LSM14A: variants seen among roughly 807,000 people sequenced by gnomAD.
LSM14A encodes the protein protein LSM14 homolog A.
A neutral mutation model predicts 52.4 loss-of-function variants in LSM14A; 14 were observed. That is an observed-to-expected ratio of 0.27 (90% CI 0.18 to 0.42). LSM14A has a LOEUF of 0.42. LSM14A is among the 10% of genes least tolerant of loss of function. The pLI is 1.00. For synonymous variants in LSM14A, 185 were observed against 200.3 expected, an observed-to-expected ratio of 0.92 and a Z score of 0.64; for missense variants, 417 against 581.8, an observed-to-expected ratio of 0.72 and a Z score of 2.91.
At chr19:34,206,650 G>T (rs1451361047) in intron 3 of LSM14A, among the ~76,000 whole-genome samples, 1 of 152,088 alleles carries the variant, frequency 6.6e-6, no homozygotes, top group Admixed American at 6.6e-5. Context: ...ACTCCAGCCT[G>T]ACGACAGAGC....
At chr19:34,207,486 C>G (rs1204263450) in intron 3 of LSM14A, among the ~76,000 whole-genome samples, 9 of 151,834 alleles carry the variant, frequency 5.9e-5, no homozygotes, top group Admixed American at 5.9e-4. Context: ...AAGGGAGTCC[C>G]AGTGGCTCCC....
At chr19:34,213,345 A>T (rs751812017) in intron 4 of LSM14A, among the ~76,000 whole-genome samples, 7 of 152,208 alleles carry the variant, frequency 4.6e-5, no homozygotes, top group Non-Finnish European at 8.8e-5. Flanking sequence ...TTGATAAATG[A>T]TCATTTATTT....
rs2073332406 is a variant in LSM14A at position 34,226,273 on chromosome 19, G to T, written c.1369-1092G>T. 4 of 887,260 alleles carry T rather than the reference G, an allele frequency of 4.5e-6. No homozygotes were observed. In the East Asian group the frequency reaches 1.1e-4, roughly 25 times the overall value. The allele number at this position is 887,260 out of a possible 1,614,324, so 55.0% of individuals were successfully genotyped here. On this transcript the variant is annotated intron_variant, in intron 9 of 9. Coordinates refer to ENST00000544216, the MANE Select transcript of LSM14A (RefSeq NM_015578.4). ...ATCACATCTGTGTTTCCTCAGATGGGGTTCAAAGACAACAAGGTGTCTGAA... is the reference window on the plus strand; with the variant it reads ...ATCACATCTGTGTTTCCTCAGATGGTGTTCAAAGACAACAAGGTGTCTGAA...
chr19:34,180,633 A>G (rs1431037843), intron 1 of LSM14A, among the ~76,000 whole-genome samples: 1 of 152,164 alleles, frequency 6.6e-6, no homozygotes, highest in Non-Finnish European at 1.5e-5. Flanking sequence ...GTCTACTGTC[A>G]TCTTACTGCC....
At chr19:34,227,020 G>T (rs2073379446) in intron 9 of LSM14A, among the ~76,000 whole-genome samples, 1 of 152,168 alleles carries the variant, frequency 6.6e-6, no homozygotes, top group Non-Finnish European at 1.5e-5. Flanking sequence ...GTTGACAGTT[G>T]TATTTGATGA....
At chr19:34,191,339 T>C (rs1599673777) in intron 1 of LSM14A, among the ~76,000 whole-genome samples, 2 of 152,318 alleles carry the variant, frequency 1.3e-5, no homozygotes, top group Middle Eastern at 6.8e-3. Context: ...ACTGAATGTA[T>C]TTCATCTACC....
At chr19:34,224,223 T>C (rs1218058778) in intron 9 of LSM14A, among the ~76,000 whole-genome samples, 4 of 152,040 alleles carry the variant, frequency 2.6e-5, no homozygotes, top group African/African-American at 4.8e-5. Context: ...TCCCAGCTAC[T>C]CGGGAGGCTG....
chr19:34,208,238 G>A (rs1175489883), intron 3 of LSM14A: 1 of 152,114 alleles, frequency 6.6e-6, no homozygotes, highest in Non-Finnish European at 1.5e-5. Flanking sequence ...GGAAGGGGGA[G>A]GTACTGTTGA....
At chr19:34,205,798 A>G (rs1441257540) in intron 3 of LSM14A, among the ~76,000 whole-genome samples, 2 of 152,156 alleles carry the variant, frequency 1.3e-5, no homozygotes, top group African/African-American at 4.8e-5. Context: ...TCAATGAAGT[A>G]GAAATAGATT....
intron 1 of LSM14A, among the ~76,000 whole-genome samples, chr19:34,181,781 A>G (rs1258917603): frequency 3.3e-5 from 5 of 152,108 alleles, no homozygotes; most frequent in Admixed American, 6.5e-5. Context: ...TACTACCTGT[A>G]TATCACTGAC....
At position 34,172,566 on chromosome 19, in the gene LSM14A, AGCGGGCGTGCGGAGCGG is replaced by A; in HGVS notation, c.-73_-57del. Reference sequence around the variant, plus strand: ...GGCTGCTGTAGGCGCCGACGGAGCGAGCGGGCGTGCGGAGCGGGCGACAGTGGCGTGGGATCTGCCTC... The same window carrying A: ...GGCTGCTGTAGGCGCCGACGGAGCGAGCGACAGTGGCGTGGGATCTGCCTC... On this transcript the variant is annotated 5_prime_UTR_variant, in exon 1 of 10. Coordinates refer to ENST00000544216, the MANE Select transcript of LSM14A (RefSeq NM_015578.4). 1 of 1,425,044 alleles carries A rather than the reference AGCGGGCGTGCGGAGCGG, an allele frequency of 7.0e-7. No individual in the cohort carries two copies. Among genetic ancestry groups the A allele is most frequent in the Non-Finnish European group, 9.2e-7 (1 of 1,086,866 alleles). The allele number at this position is 1,425,044 out of a possible 1,614,324, so 88.3% of individuals were successfully genotyped here.
chr19:34,173,895 C>T (rs1411103818), intron 1 of LSM14A, among the ~76,000 whole-genome samples: 1 of 152,030 alleles, frequency 6.6e-6, no homozygotes, highest in African/African-American at 2.4e-5. Context: ...TTCACGGGAT[C>T]AAGTATTTAA....
rs76912381 is a variant in LSM14A at position 34,191,309 on chromosome 19, T to A, written c.122-3169T>A. Among the ~76,000 whole-genome samples the A allele has an allele frequency of 8.6e-3, 1,308 of 152,298 alleles. 10 individuals are homozygous for A. The highest frequency in any genetic ancestry group is 0.02 in the South Asian group (96 of 4,828). ...AGTTGTTTCAGAAAATTTCTTCTAT[T>A]TTCTGTGATAAATACTAATACTGAA... On this transcript the variant is annotated intron_variant, in intron 1 of 9. Coordinates refer to ENST00000544216, the MANE Select transcript of LSM14A (RefSeq NM_015578.4).
chr19:34,190,706 T>C (rs1162962732), intron 1 of LSM14A, among the ~76,000 whole-genome samples: 3 of 152,180 alleles, frequency 2.0e-5, no homozygotes. Context: ...TTACACTTTG[T>C]AACTTTGTAG....
chr19:34,227,646 T>C lies in LSM14A; in HGVS notation c.*258T>C. On this transcript the variant is annotated 3_prime_UTR_variant, in exon 10 of 10. Coordinates refer to ENST00000544216, the MANE Select transcript of LSM14A (RefSeq NM_015578.4). ...AGGTTAAGTAATTTCTTATGTATAGTTAAACTAAAGCAGTACTTCAGTGGG... is the reference window on the plus strand; with the variant it reads ...AGGTTAAGTAATTTCTTATGTATAGCTAAACTAAAGCAGTACTTCAGTGGG... The C allele has an allele frequency of 2.5e-6, 1 of 400,484 alleles. No homozygotes were observed. The highest frequency in any genetic ancestry group is 4.4e-6 in the Non-Finnish European group (1 of 227,344). 24.8% of individuals were successfully genotyped at this position (400,484 alleles called of 1,614,324 possible). A position where few individuals can be genotyped will look rare whatever the true frequency, so the allele number is the denominator to read the frequency against.
intron 4 of LSM14A, among the ~76,000 whole-genome samples, chr19:34,212,781 G>A (rs1457280524): frequency 6.6e-6 from 1 of 152,106 alleles, no homozygotes; most frequent in Non-Finnish European, 1.5e-5. Context: ...ATGATTAGTA[G>A]GCCTTAATAG....
chr19:34,215,117 A>T lies in LSM14A; in HGVS notation c.539-7A>T. The T allele has an allele frequency of 6.2e-7, 1 of 1,601,042 alleles. No individual in the cohort carries two copies. The highest frequency in any genetic ancestry group is 2.2e-5 in the East Asian group (1 of 44,754). The stretch of plus-strand genomic sequence containing the variant: ...GGGTAGTTTGTTATCTTTTGGTTAC[A>T]TTTTAGGTCGCTCAAGCCCTCAGTT... On this transcript the variant is annotated splice_polypyrimidine_tract_variant and splice_region_variant and intron_variant, in intron 4 of 9. Coordinates refer to ENST00000544216, the MANE Select transcript of LSM14A (RefSeq NM_015578.4).
At position 34,194,638 on chromosome 19, in the gene LSM14A, T is replaced by G; in HGVS notation, c.282T>G (p.Val94=). The G allele has an allele frequency of 6.2e-7, 1 of 1,614,174 alleles. No homozygotes were observed. The highest frequency in any genetic ancestry group is 8.5e-7 in the Non-Finnish European group (1 of 1,180,020). The change falls in exon 2 of 10, where the codon GTT becomes GTG. Residue 94 remains valine, a synonymous_variant. Coordinates refer to ENST00000544216, the MANE Select transcript of LSM14A (RefSeq NM_015578.4). ...QCSLPQDPAI[V]QSSLGSSTSS... The stretch of plus-strand genomic sequence containing the variant: ...CTTTGCCTCAAGACCCAGCTATTGT[T>G]CAGGTAACTGATGGTAAATTTGTCT...
intron 9 of LSM14A, chr19:34,226,397 TTAC>T: frequency 1.6e-5 from 24 of 1,459,836 alleles, no homozygotes; most frequent in Middle Eastern, 2.1e-4. Flanking sequence ...TTTTTTTTTT[TTAC>T]CTTTCAGAAA....
Sources: gnomAD v4.1 joint callset for allele counts (sites outside exome capture counted in the v4.1 genomes callset) on GRCh38, gnomAD v4.1.1 for gene constraint, MANE v1.5 for transcripts, NCBI Gene and HGNC (gene_info 2026-07-23, HGNC 2026-07-21) for gene names.